Variants in VIL1 observed in about 807,000 individuals in gnomAD.
VIL1 encodes villin-1.
VIL1 carries 86 observed loss-of-function variants against 104.0 expected under a neutral mutation model. That is an observed-to-expected ratio of 0.83 (90% confidence interval 0.69 to 0.99). The LOEUF is 0.99. Among genes scored for constraint, VIL1 ranks in the 50% least tolerant of loss-of-function variants. The pLI is 0.00. For synonymous variants in VIL1, 394 were observed against 412.6 expected (o/e 0.95, Z 0.55); for missense variants, 944 against 1,054.1 (o/e 0.90, Z 1.45).
chr2:218,429,558 G>A (rs772701978), intron 7 of VIL1, 39 bp from the exon 8 acceptor site: 1 of 1,614,002 alleles, frequency 6.2e-7, no homozygotes, highest in Non-Finnish European at 8.5e-7. Context: ...TGAGGGACTT[G>A]GGCCCCCTCC....
At chr2:218,431,089 C>A (rs982282699) in intron 10 of VIL1, 6 of 671,706 alleles carry the variant, frequency 8.9e-6, no homozygotes, top group Non-Finnish European at 1.5e-5. Flanking sequence ...TGGCACATGC[C>A]TGTAATCCCA....
chr2:218,433,098 T>G, intron 13 of VIL1, 147 bp downstream of exon 13: 4 of 999,086 alleles, frequency 4.0e-6, no homozygotes, highest in Non-Finnish European at 5.8e-6. Context: ...CTATCACCTA[T>G]GTGGAACTGG....
At chr2:218,442,946 A>T (rs1311084242) in intron 19 of VIL1, among the ~76,000 whole-genome samples, 1 of 152,174 alleles carries the variant, frequency 6.6e-6, no homozygotes, top group East Asian at 1.9e-4. Flanking sequence ...CTGGGAGGCT[A>T]GGAGGCACAT....
At chr2:218,438,986 A>T (rs1689239971) in intron 18 of VIL1, among the ~76,000 whole-genome samples, 3 of 138,004 alleles carry the variant, frequency 2.2e-5, no homozygotes, top group African/African-American at 8.2e-5. Flanking sequence ...GCTGGAGTGC[A>T]GTGGCAGGAT....
chr2:218,429,478 A>G lies in VIL1; in HGVS notation c.761A>G (p.Lys254Arg), dbSNP rs35305540. Residue 254 changes from lysine to arginine, a missense_variant, in exon 7 of 20, where the codon AAA (lysine) becomes AGA (arginine). By Grantham distance (26) the Lys-to-Arg change is conservative (BLOSUM62 2). Transcript: ENST00000248444. Reference protein sequence around the residue: ...VVEPALKAALKLYHVSDSEGN... With the variant: ...VVEPALKAALRLYHVSDSEGN... ...GAGCCGGCACTCAAGGCTGCACTCA[A>G]ACTGTACCAGTGAGCGCCCAGCGGG... 3.7e-3 allele frequency: 6,022 copies of G among 1,613,922 alleles called. 156 individuals are homozygous for G. In the African/African-American group the frequency reaches 0.062, roughly 17 times the overall value.
chr2:218,434,463 CCAT>C, intron 13 of VIL1, 60 bp from the exon 14 acceptor site: 1 of 1,528,816 alleles, frequency 6.5e-7, no homozygotes, highest in Non-Finnish European at 8.9e-7. Context: ...CCTCTGTTCC[CCAT>C]CATCTTCTTT....
chr2:218,421,257 G>A (rs549198017), intron 1 of VIL1, among the ~76,000 whole-genome samples: 1 of 152,254 alleles, frequency 6.6e-6, no homozygotes, highest in Admixed American at 6.5e-5. Flanking sequence ...AGGGGCCAGG[G>A]GGCTGTGTGT....
Position 218,449,168 on chromosome 2 carries a change from G to A in VIL1, c.2371-55G>A, listed in dbSNP as rs191262689. The A allele has an allele frequency of 8.6e-4, 1,135 of 1,322,196 alleles. 4 individuals carry two copies. The African/African-American group carries it at 0.014, about 17-fold the overall frequency. The allele number at this position is 1,322,196 out of a possible 1,614,324, so 81.9% of individuals were successfully genotyped here. On this transcript the variant is annotated intron_variant, in intron 19 of 19. Transcript: ENST00000248444. ...ATCAGAGCAAACGGTGCCTGAGGGT[G>A]AGGGAGGAAGGAAGGATATGTGACC... is the stretch of plus-strand genomic sequence containing the variant.
chr2:218,430,904 G>A (rs745451908), intron 10 of VIL1, 26 bp downstream of exon 10: 19 of 1,600,250 alleles, frequency 1.2e-5, no homozygotes, highest in South Asian at 4.5e-5. Flanking sequence ...GGGCAGTGAG[G>A]GAGCCAGGAT....
intron 1 of VIL1, among the ~76,000 whole-genome samples, chr2:218,423,370 G>A (rs1376547786): frequency 2.0e-5 from 3 of 152,168 alleles, no homozygotes; most frequent in Admixed American, 6.6e-5. Flanking sequence ...ACTCCAGCCT[G>A]TGCGACAGAG....
intron 1 of VIL1, among the ~76,000 whole-genome samples, chr2:218,423,156 G>C (rs1341494447): frequency 6.6e-6 from 1 of 152,226 alleles, no homozygotes; most frequent in African/African-American, 2.4e-5. Context: ...AGCACTTTGG[G>C]AGGCTGTGAC....
intron 15 of VIL1, 43 bp from the exon 16 acceptor site, chr2:218,436,439 C>T (rs758967974): frequency 1.3e-6 from 2 of 1,593,152 alleles, no homozygotes; most frequent in Non-Finnish European, 1.7e-6. Context: ...CTCCTTTTGC[C>T]ACACCTTCCT....
intron 3 of VIL1, 56 bp downstream of exon 3, chr2:218,424,407 A>G: frequency 1.3e-6 from 2 of 1,578,564 alleles, no homozygotes; most frequent in Admixed American, 1.7e-5. Flanking sequence ...CTGTGGTGTC[A>G]GGGAGGAAAC....
chr2:218,446,730 G>A (rs558197855), intron 19 of VIL1, among the ~76,000 whole-genome samples: 23 of 149,846 alleles, frequency 1.5e-4, no homozygotes, highest in African/African-American at 5.8e-4. Flanking sequence ...ATGGTGCAGT[G>A]GAACATATGT....
At chr2:218,444,115 G>A (rs970581481) in intron 19 of VIL1, among the ~76,000 whole-genome samples, 4 of 152,002 alleles carry the variant, frequency 2.6e-5, no homozygotes, top group African/African-American at 7.3e-5. Context: ...ACAGGCGTGC[G>A]CCACCATACC....
intron 19 of VIL1, among the ~76,000 whole-genome samples, chr2:218,447,098 A>G (rs980103572): frequency 2.0e-5 from 3 of 152,118 alleles, no homozygotes; most frequent in Non-Finnish European, 4.4e-5. Flanking sequence ...TCATGTGAAA[A>G]TGAGAACATT....
intron 1 of VIL1, among the ~76,000 whole-genome samples, chr2:218,420,428 CAAAAAA>C (rs71064447): frequency 3.0e-4 from 24 of 80,220 alleles, no homozygotes; most frequent in South Asian, 1.5e-3. Flanking sequence ...GACTCTGTCT[CAAAAAA>C]AAAAAAAAAA....
chr2:218,449,820 G>A lies in VIL1; in HGVS notation c.*484G>A, dbSNP rs1037021765. ...GTGGGTAAGTTAAAGGGCTGAAGGAGAGTTGAATGGTCCACAAGACTACCC... is the reference window on the plus strand; with the variant it reads ...GTGGGTAAGTTAAAGGGCTGAAGGAAAGTTGAATGGTCCACAAGACTACCC... On this transcript the variant is annotated 3_prime_UTR_variant, in exon 20 of 20. Transcript: ENST00000248444. 22 of 164,368 alleles carry A rather than the reference G, an allele frequency of 1.3e-4. No homozygotes were observed. The highest frequency in any genetic ancestry group is 2.7e-4 in the Non-Finnish European group (20 of 74,116). 10.2% of individuals were successfully genotyped at this position (164,368 alleles called of 1,614,324 possible).
At position 218,436,342 on chromosome 2, in the gene VIL1, C is replaced by A. The variant is rs542113040; in HGVS notation, c.1827-140C>A. The A allele has an allele frequency of 8.8e-6, 10 of 1,134,268 alleles. No individual in the cohort carries two copies. The African/African-American group carries it at 1.1e-4, about 12-fold the overall frequency. 70.3% of individuals were successfully genotyped at this position (1,134,268 alleles called of 1,614,324 possible). On this transcript the variant is annotated intron_variant, in intron 15 of 19. Transcript: ENST00000248444. ...GAGCACTCTTGGAATGAGAGGGGACCCTTTTATCAATCAGAAGATAGAGCA... is the reference window on the plus strand; with the variant it reads ...GAGCACTCTTGGAATGAGAGGGGACACTTTTATCAATCAGAAGATAGAGCA...
Sources: gnomAD v4.1 joint callset for allele counts (sites outside exome capture counted in the v4.1 genomes callset) on GRCh38, gnomAD v4.1.1 for gene constraint, MANE v1.5 for transcripts, NCBI Gene and HGNC (gene_info 2026-07-23, HGNC 2026-07-21) for gene names.